GRIN3A: variants seen among roughly 807,000 people sequenced by gnomAD.
The protein encoded by GRIN3A is glutamate receptor ionotropic, NMDA 3A.
In GRIN3A, 47 loss-of-function variants were observed where a neutral mutation model predicts 92.4. The observed-to-expected ratio is 0.51, with a 90% CI of 0.40 to 0.65. GRIN3A has a LOEUF of 0.65. GRIN3A is among the 30% of genes least tolerant of loss of function. The pLI, the probability that GRIN3A is intolerant of heterozygous loss-of-function variation, is 0.00. For synonymous variants in GRIN3A, 527 were observed against 540.6 expected (o/e 0.97, Z 0.35); for missense variants, 1,324 against 1,393.1 (o/e 0.95, Z 0.79).
At chr9:101,685,965 AAGT>A (rs1829528537) in intron 2 of GRIN3A, among the ~76,000 whole-genome samples, 1 of 152,074 alleles carries the variant, frequency 6.6e-6, no homozygotes, top group Non-Finnish European at 1.5e-5. Context: ...TAAGTCACTC[AAGT>A]AGTAAGTGGC....
chr9:101,627,754 T>C (rs1828653624), intron 4 of GRIN3A, among the ~76,000 whole-genome samples: 2 of 152,210 alleles, frequency 1.3e-5, no homozygotes, highest in Non-Finnish European at 1.5e-5. Context: ...ATGAGAAGAA[T>C]GCAGGCATGG....
rs761887900 is a variant in GRIN3A, at chr9:101,594,358, G to GT, written c.2767-14999_2767-14998insA. 45 of 1,532,044 alleles carry GT rather than the reference G, an allele frequency of 2.9e-5. No individual in the cohort carries two copies. In the East Asian group the frequency reaches 4.3e-4, roughly 15 times the overall value. The allele number at this position is 1,532,044 out of a possible 1,614,324, so 94.9% of individuals were successfully genotyped here. A position where few individuals can be genotyped will look rare whatever the true frequency, so the allele number is the denominator to read the frequency against. On this transcript the variant is annotated intron_variant, in intron 6 of 8. Coordinates refer to ENST00000361820, the MANE Select transcript of GRIN3A (RefSeq NM_133445.3). ...TGGACGTCTTGAGCAAATCTTGAAA[G>GT]AGATAGGGAAGAAAGCAGAAGTTGT...
intron 6 of GRIN3A, among the ~76,000 whole-genome samples, chr9:101,591,284 C>T (rs1828020778): frequency 6.6e-6 from 1 of 152,156 alleles, no homozygotes; most frequent in African/African-American, 2.4e-5. Flanking sequence ...AGCAATTTAC[C>T]TCTTTGGGCT....
At chr9:101,618,670 A>C (rs1422351093) in intron 5 of GRIN3A, among the ~76,000 whole-genome samples, 2 of 152,220 alleles carry the variant, frequency 1.3e-5, no homozygotes, top group Non-Finnish European at 2.9e-5. Context: ...GATGGGAAAA[A>C]TAGGAAAATA....
chr9:101,715,625 A>G (rs529054854), intron 1 of GRIN3A, among the ~76,000 whole-genome samples: 2 of 152,200 alleles, frequency 1.3e-5, no homozygotes, highest in Non-Finnish European at 2.9e-5. Flanking sequence ...AGGTAGAGAG[A>G]TATGATTCAT....
At chr9:101,700,777 A>T (rs549035974) in intron 1 of GRIN3A, among the ~76,000 whole-genome samples, 1 of 152,174 alleles carries the variant, frequency 6.6e-6, no homozygotes, top group East Asian at 1.9e-4. Context: ...ACATAACTGA[A>T]ATTTCAGTAA....
At chr9:101,709,225 G>T (rs1306421371) in intron 1 of GRIN3A, among the ~76,000 whole-genome samples, 2 of 152,052 alleles carry the variant, frequency 1.3e-5, no homozygotes, top group African/African-American at 2.4e-5. Context: ...GGTCAAATAG[G>T]TCTCAGAAAA....
intron 3 of GRIN3A, among the ~76,000 whole-genome samples, chr9:101,653,270 G>A (rs924574760): frequency 2.6e-5 from 4 of 151,784 alleles, no homozygotes; most frequent in Non-Finnish European, 4.4e-5. Context: ...AAAATGCCTA[G>A]AATTTTTCAT....
intron 3 of GRIN3A, among the ~76,000 whole-genome samples, chr9:101,638,242 A>C (rs994434628): frequency 1.3e-5 from 2 of 152,228 alleles, no homozygotes; most frequent in African/African-American, 4.8e-5. Flanking sequence ...ACTTTTAGAT[A>C]CTATGGAGAC....
chr9:101,634,352 AGAAAAT>A (rs1228620487), intron 3 of GRIN3A, among the ~76,000 whole-genome samples: 5 of 150,070 alleles, frequency 3.3e-5, no homozygotes, highest in Non-Finnish European at 4.4e-5. Context: ...AAAAAAAAAA[AGAAAAT>A]TACTCCTTTT....
chr9:101,587,057 C>T (rs1827959256), intron 6 of GRIN3A, among the ~76,000 whole-genome samples: 1 of 152,154 alleles, frequency 6.6e-6, no homozygotes, highest in Non-Finnish European at 1.5e-5. Flanking sequence ...CGCCTGTAAT[C>T]CTAACACTTT....
chr9:101,600,261 C>T (rs555498140), intron 6 of GRIN3A, among the ~76,000 whole-genome samples: 2 of 152,260 alleles, frequency 1.3e-5, no homozygotes, highest in East Asian at 3.9e-4. Flanking sequence ...TTTAGGCTTG[C>T]TTAAAAACTC....
At chr9:101,615,267 C>A (rs1200892662) in intron 5 of GRIN3A, among the ~76,000 whole-genome samples, 1 of 148,334 alleles carries the variant, frequency 6.7e-6, no homozygotes, top group Non-Finnish European at 1.5e-5. Flanking sequence ...AAATATAGTT[C>A]ATTTTTCATG....
At chr9:101,691,281 G>A (rs1430860517) in intron 1 of GRIN3A, among the ~76,000 whole-genome samples, 1 of 152,122 alleles carries the variant, frequency 6.6e-6, no homozygotes, top group African/African-American at 2.4e-5. Flanking sequence ...TATGGTGGAT[G>A]AGAGATAGAC....
At chr9:101,594,491 C>T in intron 6 of GRIN3A, 1 of 1,614,184 alleles carries the variant, frequency 6.2e-7, no homozygotes, top group Non-Finnish European at 8.5e-7. Context: ...CTTCCCATCG[C>T]CATCCTTGTC....
chr9:101,579,179 A>G lies in GRIN3A; in HGVS notation c.2931+17T>C, dbSNP rs746771305. ...TACAGTTTAAGAATATTGGAGCAAG[A>G]CACCTGTGGCACTCACCTGGCTGGT... On this transcript the variant is annotated intron_variant, in intron 7 of 8. Coordinates refer to ENST00000361820, the MANE Select transcript of GRIN3A (RefSeq NM_133445.3). The G allele has an allele frequency of 2.5e-6, 4 of 1,613,200 alleles. No homozygotes were observed. The Admixed American group carries it at 5.0e-5, about 20-fold the overall frequency.
rs181715524 is a variant in GRIN3A at position 101,670,103 on chromosome 9, C to G, written c.2309G>C (p.Gly770Ala). Residue 770 changes from glycine (G) to alanine (A), a missense_variant, in exon 3 of 9, where the codon GGT becomes GCT. Gly to Ala is a moderately conservative substitution (Grantham distance 60). Transcript: ENST00000361820. ...AGAAAGCTCTTCATAGATCTTCTCACCTACCATGACAGCAGCCAAGTTTGC... is the reference window on the plus strand; with the variant it reads ...AGAAAGCTCTTCATAGATCTTCTCAGCTACCATGACAGCAGCCAAGTTTGC... Reference protein sequence around the residue: ...YTANLAAVMVGEKIYEELSGI... With the variant: ...YTANLAAVMVAEKIYEELSGI... 4 of 1,613,840 alleles carry G rather than the reference C, an allele frequency of 2.5e-6. No homozygotes were observed. The highest frequency in any genetic ancestry group is 3.4e-6 in the Non-Finnish European group (4 of 1,179,850).
intron 3 of GRIN3A, among the ~76,000 whole-genome samples, chr9:101,645,606 C>T (rs1828927241): frequency 6.6e-6 from 1 of 151,092 alleles, no homozygotes; most frequent in Non-Finnish European, 1.5e-5. Flanking sequence ...TAATGTTTTC[C>T]ATAGTGGCTG....
intron 3 of GRIN3A, among the ~76,000 whole-genome samples, chr9:101,656,041 A>C (rs1829085189): frequency 6.6e-6 from 1 of 152,020 alleles, no homozygotes. Flanking sequence ...ACTGATTTAC[A>C]AAATGTGAAG....
Sources: allele counts gnomAD v4.1 joint callset (sites outside exome capture counted in the v4.1 genomes callset), GRCh38; gene constraint gnomAD v4.1.1; transcripts MANE v1.5; gene names NCBI Gene and HGNC (gene_info 2026-07-23, HGNC 2026-07-21).